The following ROCK1 variants were observed in gnomAD, a reference collection of about 807,000 sequenced individuals.
The protein encoded by ROCK1 is rho-associated protein kinase 1.
A neutral mutation model predicts 196.8 loss-of-function variants in ROCK1; 36 were observed. The ratio of observed to expected loss-of-function variants is 0.18; its 90% CI spans 0.14 to 0.24. The LOEUF (loss-of-function observed/expected upper bound fraction) is 0.24, where lower values mean the gene tolerates loss of function less well. Ranked by LOEUF, ROCK1 falls within the 10% of genes least tolerant of loss-of-function variation. The pLI, the probability that ROCK1 is intolerant of heterozygous loss-of-function variation, is 1.00. For synonymous variants in ROCK1, 443 were observed against 515.9 expected (o/e 0.86, Z 1.91); for missense variants, 920 against 1,562.0 (o/e 0.59, Z 6.93).
At position 20,952,904 on chromosome 18, in the gene ROCK1, G is replaced by A. The variant is rs560568436; in HGVS notation, c.4061+674C>T. Reference sequence around the variant, plus strand: ...AACCAAACACCACAGGTTCTCACTCGTAAGTGGGAGTTGAACAATGAGAAA... The same window carrying A: ...AACCAAACACCACAGGTTCTCACTCATAAGTGGGAGTTGAACAATGAGAAA... On this transcript the variant is annotated intron_variant, in intron 32 of 32. Transcript: ENST00000399799. 3.4e-3 allele frequency among the ~76,000 whole-genome samples: 512 copies of A among 152,088 alleles called. 2 individuals are homozygous for A. Among genetic ancestry groups the A allele is most frequent in the African/African-American group, 0.012 (484 of 41,510 alleles).
chr18:20,957,130 A>C (rs1311811490), intron 29 of ROCK1, among the ~76,000 whole-genome samples: 1 of 152,176 alleles, frequency 6.6e-6, no homozygotes, highest in African/African-American at 2.4e-5. Flanking sequence ...TTAAACACAG[A>C]TCTACTTTAT....
intron 22 of ROCK1, among the ~76,000 whole-genome samples, chr18:20,972,650 A>C (rs909683610): frequency 3.3e-5 from 5 of 152,216 alleles, no homozygotes; most frequent in Non-Finnish European, 7.3e-5. Flanking sequence ...TTCTCAAGAG[A>C]GTAATCAACT....
chr18:21,080,414 T>C (rs1406475035), intron 1 of ROCK1, among the ~76,000 whole-genome samples: 4 of 152,088 alleles, frequency 2.6e-5, no homozygotes, highest in South Asian at 2.1e-4. Flanking sequence ...AGGAAAATTA[T>C]ATATGACCAA....
At position 21,111,320 on chromosome 18, in the gene ROCK1, G is replaced by T; in HGVS notation, c.-410C>A. On this transcript the variant is annotated 5_prime_UTR_variant, in exon 1 of 33. Transcript: ENST00000399799. This position sits in a 1 kb window ranked among gnomAD's most constrained non-coding sequence, Gnocchi z 4.2. The stretch of plus-strand genomic sequence containing the variant: ...GTGGAGACTCCCTCCGGGCAACAAG[G>T]GAGGGAGAAGAGGAAAGGCGAAAGC... 1 of 454,366 alleles carries T rather than the reference G, an allele frequency of 2.2e-6. No homozygotes were observed. Among genetic ancestry groups the T allele is most frequent in the Admixed American group, 3.9e-5 (1 of 25,848 alleles). The allele number at this position is 454,366 out of a possible 1,614,324, so 28.1% of individuals were successfully genotyped here. A position where few individuals can be genotyped will look rare whatever the true frequency, so the allele number is the denominator to read the frequency against.
At chr18:21,007,481 T>C (rs1301672988) in intron 14 of ROCK1, among the ~76,000 whole-genome samples, 1 of 152,220 alleles carries the variant, frequency 6.6e-6, no homozygotes, top group African/African-American at 2.4e-5. Context: ...ATATACAGCA[T>C]TGACTGCATT....
chr18:20,959,124 TA>T (rs1283908684), intron 29 of ROCK1, among the ~76,000 whole-genome samples: 6 of 53,392 alleles, frequency 1.1e-4, no homozygotes, highest in African/African-American at 7.2e-4. Flanking sequence ...TTATATAATA[TA>T]TATATTATAT....
chr18:20,958,455 T>A, intron 29 of ROCK1, among the ~76,000 whole-genome samples: 1 of 150,758 alleles, frequency 6.6e-6, no homozygotes, highest in South Asian at 2.1e-4. Context: ...AATTTACTCA[T>A]CTTTATACAT....
chr18:20,981,638 A>T (rs1352688646), intron 21 of ROCK1, among the ~76,000 whole-genome samples: 1 of 152,212 alleles, frequency 6.6e-6, no homozygotes, highest in African/African-American at 2.4e-5. Context: ...AAGAGAAGGG[A>T]AAGAAATAGC....
At chr18:21,091,305 G>C (rs1157013694) in intron 1 of ROCK1, among the ~76,000 whole-genome samples, 4 of 152,066 alleles carry the variant, frequency 2.6e-5, no homozygotes, top group Non-Finnish European at 5.9e-5. Context: ...TAAGAATACA[G>C]TATATAAGAT....
chr18:21,084,522 T>C (rs1466623219), intron 1 of ROCK1, among the ~76,000 whole-genome samples: 1 of 152,074 alleles, frequency 6.6e-6, no homozygotes, highest in African/African-American at 2.4e-5. Context: ...TCATAAATCA[T>C]TAGGGAAATA....
intron 16 of ROCK1, among the ~76,000 whole-genome samples, 170 bp from the exon 17 acceptor site, chr18:20,993,107 T>G (rs1169197784): frequency 6.6e-6 from 1 of 152,242 alleles, no homozygotes; most frequent in Non-Finnish European, 1.5e-5. Context: ...ATAAAAATAT[T>G]AATGCTAATT....
intron 9 of ROCK1, among the ~76,000 whole-genome samples, chr18:21,033,854 TAAAAAAAAAAAAAAAAAA>T (rs71269004): frequency 3.0e-5 from 1 of 33,464 alleles, no homozygotes; most frequent in African/African-American, 1.1e-4. Context: ...CCGTTTCTAC[TAAAAAAAAAAAAAAAAAA>T]AAAAAAAAAA....
At chr18:21,036,874 A>C (rs1357428319) in intron 9 of ROCK1, among the ~76,000 whole-genome samples, 1 of 152,200 alleles carries the variant, frequency 6.6e-6, no homozygotes, top group African/African-American at 2.4e-5. Flanking sequence ...AATACTAAAT[A>C]TAACAGTATT....
chr18:20,959,056 AT>A lies in ROCK1; in HGVS notation c.3512+783del, dbSNP rs1242235736. Among the ~76,000 whole-genome samples, 24 of 47,594 alleles carry A rather than the reference AT, an allele frequency of 5.0e-4. 1 individual carries two copies. The highest frequency in any genetic ancestry group is 3.6e-3 in the African/African-American group (21 of 5,870). The allele number at this position is 47,594 out of a possible 152,430, so 31.2% of individuals were successfully genotyped here. On this transcript the variant is annotated intron_variant, in intron 29 of 32. Transcript: ENST00000399799. ...ATTTTATATAATATATAATATATAT[AT>A]TATATTTTATATTATATAATATATA... is the stretch of plus-strand genomic sequence containing the variant.
At chr18:20,982,060 C>A (rs2035538013) in intron 21 of ROCK1, among the ~76,000 whole-genome samples, 1 of 152,106 alleles carries the variant, frequency 6.6e-6, no homozygotes, top group African/African-American at 2.4e-5. Flanking sequence ...GAAGCAAAAT[C>A]AAAAATCCAC....
At chr18:21,069,056 T>C (rs1389392207) in intron 2 of ROCK1, among the ~76,000 whole-genome samples, 1 of 152,130 alleles carries the variant, frequency 6.6e-6, no homozygotes, top group Admixed American at 6.5e-5. Flanking sequence ...GGAAAAGCAT[T>C]CGTCTTAAAC....
intron 13 of ROCK1, among the ~76,000 whole-genome samples, chr18:21,009,960 C>CTACATGT (rs2035802883): frequency 6.6e-6 from 1 of 151,976 alleles, no homozygotes; most frequent in African/African-American, 2.4e-5. Flanking sequence ...GAAGTTAGTC[C>CTACATGT]CTTTCATCTA....
At chr18:21,023,014 AC>A (rs111663167) in intron 11 of ROCK1, among the ~76,000 whole-genome samples, 77,964 of 151,374 alleles carry the variant, frequency 0.52, 21,312 homozygotes, top group African/African-American at 0.71. Context: ...GTATGATTCC[AC>A]CTCATATGAG....
At position 20,963,357 on chromosome 18, in the gene ROCK1, C is replaced by T. The variant is rs537650531; in HGVS notation, c.3353-3151G>A. ...ATTTAGCTATACCACAAACATACTG[C>T]TTAAGAAACAGGGCTAAAGAACCAT... On this transcript the variant is annotated intron_variant, in intron 27 of 32. Transcript: ENST00000399799. Among the ~76,000 whole-genome samples, 5 of 152,138 alleles carry T rather than the reference C, an allele frequency of 3.3e-5. No individual in the cohort carries two copies. In the South Asian group the frequency reaches 8.3e-4, roughly 25 times the overall value.
Sources: allele counts gnomAD v4.1 joint callset (sites outside exome capture counted in the v4.1 genomes callset), GRCh38; gene constraint gnomAD v4.1.1; non-coding constraint Gnocchi (gnomAD v3.1); transcripts MANE v1.5; gene names NCBI Gene and HGNC (gene_info 2026-07-23, HGNC 2026-07-21).